Variants in PTPRG observed in about 807,000 individuals in gnomAD.
PTPRG encodes protein tyrosine phosphatase receptor type G.
In PTPRG, 102 loss-of-function variants were observed where a neutral mutation model predicts 165.3. The observed-to-expected ratio is 0.62, with a 90% CI of 0.53 to 0.73. The LOEUF (loss-of-function observed/expected upper bound fraction) is 0.73. Ranked by LOEUF, PTPRG falls within the 30% of genes least tolerant of loss-of-function variation. The pLI is 0.00. For missense variants in PTPRG, 1,866 were observed against 1,861.4 expected (o/e 1.00, Z -0.05); for synonymous variants, 675 against 669.5 (o/e 1.01, Z -0.13).
intron 4 of PTPRG, among the ~76,000 whole-genome samples, chr3:62,072,984 T>C (rs750812742): frequency 6.6e-6 from 1 of 152,010 alleles, no homozygotes; most frequent in Non-Finnish European, 1.5e-5. Flanking sequence ...AATAAAAAAA[T>C]AGGAGAACGT....
chr3:62,157,393 C>T (rs552057018), intron 7 of PTPRG, among the ~76,000 whole-genome samples, 169 bp downstream of exon 7: 6 of 152,276 alleles, frequency 3.9e-5, no homozygotes, highest in Non-Finnish European at 7.4e-5. Context: ...GAACTGCAAG[C>T]GATAGAATGT....
intron 6 of PTPRG, among the ~76,000 whole-genome samples, chr3:62,134,984 T>G (rs994840636): frequency 2.0e-5 from 3 of 152,158 alleles, no homozygotes; most frequent in Non-Finnish European, 4.4e-5. Flanking sequence ...AAAAAACTTT[T>G]GTTGGAGGCC....
At position 62,243,834 on chromosome 3, in the gene PTPRG, T is replaced by C. The variant is rs141754618; in HGVS notation, c.2403T>C (p.Tyr801=). The change falls in exon 15 of 30, where the codon TAT becomes TAC. Residue 801 remains tyrosine (Y), a synonymous_variant. Coordinates refer to ENST00000474889, the MANE Select transcript of PTPRG (RefSeq NM_002841.4). ...AATGTTTTCAGACTGCTCATTTCTA[T>C]GTGGAAGACAGCAGTTCACCTCGAG... The part of the protein sequence containing the change: ...SRKCFQTAHF[Y]VEDSSSPRVV... 8.8e-6 allele frequency: 14 copies of C among 1,594,974 alleles called. No individual in the cohort carries two copies. Among genetic ancestry groups the C allele is most frequent in the Non-Finnish European group, 1.1e-5 (13 of 1,163,316 alleles).
chr3:61,817,154 T>TAA (rs1349655664), intron 2 of PTPRG, among the ~76,000 whole-genome samples: 1 of 117,168 alleles, frequency 8.5e-6, no homozygotes, highest in Non-Finnish European at 1.7e-5. Context: ...TACATATATA[T>TAA]AATATATAAT....
intron 2 of PTPRG, among the ~76,000 whole-genome samples, chr3:61,768,472 T>G (rs1331954027): frequency 6.6e-6 from 1 of 152,164 alleles, no homozygotes; most frequent in Non-Finnish European, 1.5e-5. Context: ...ACTGAGTCTG[T>G]GTAGGAAGTC....
At chr3:61,566,200 A>G (rs921158834) in intron 1 of PTPRG, among the ~76,000 whole-genome samples, 1 of 152,238 alleles carries the variant, frequency 6.6e-6, no homozygotes, top group African/African-American at 2.4e-5. Context: ...AAAAGTGACT[A>G]TTCCATAGTG....
intron 8 of PTPRG, among the ~76,000 whole-genome samples, chr3:62,178,805 C>G (rs1705536451): frequency 6.6e-6 from 1 of 152,236 alleles, no homozygotes; most frequent in African/African-American, 2.4e-5. Context: ...AGCAACCCTA[C>G]TCTGGCTTTC....
At chr3:61,794,324 A>G (rs1410716729) in intron 2 of PTPRG, among the ~76,000 whole-genome samples, 2 of 152,156 alleles carry the variant, frequency 1.3e-5, no homozygotes, top group Non-Finnish European at 2.9e-5. Context: ...TTCTATTGCC[A>G]TCTGTTCATT....
At chr3:62,010,483 G>A (rs1434141754) in intron 4 of PTPRG, among the ~76,000 whole-genome samples, 1 of 151,660 alleles carries the variant, frequency 6.6e-6, no homozygotes. Flanking sequence ...TTAAGAAATG[G>A]GGTCCTGTTC....
chr3:62,138,733 A>AAG (rs1553640816), intron 6 of PTPRG, among the ~76,000 whole-genome samples: 12 of 151,410 alleles, frequency 7.9e-5, no homozygotes, highest in African/African-American at 2.9e-4. Context: ...AAAAAAAAAA[A>AAG]AAAGAAAGAC....
chr3:62,171,687 T>C (rs1705221607), intron 8 of PTPRG, among the ~76,000 whole-genome samples: 1 of 152,192 alleles, frequency 6.6e-6, no homozygotes, highest in African/African-American at 2.4e-5. Flanking sequence ...TTTTTTTTAT[T>C]GCTGAATAGT....
At chr3:62,204,358 C>T (rs1446551925) in intron 12 of PTPRG, among the ~76,000 whole-genome samples, 1 of 152,106 alleles carries the variant, frequency 6.6e-6, no homozygotes, top group Non-Finnish European at 1.5e-5. Flanking sequence ...CCAGGGGATC[C>T]TAGTCCCTGC....
At chr3:61,570,876 C>G (rs1251978806) in intron 1 of PTPRG, among the ~76,000 whole-genome samples, 1 of 152,150 alleles carries the variant, frequency 6.6e-6, no homozygotes, top group Non-Finnish European at 1.5e-5. Flanking sequence ...AGTGTGGAGG[C>G]TTAGCTCTGT....
chr3:61,680,044 C>G (rs569408854), intron 1 of PTPRG, among the ~76,000 whole-genome samples: 1 of 152,182 alleles, frequency 6.6e-6, no homozygotes, highest in African/African-American at 2.4e-5. Flanking sequence ...CCTATTCTCT[C>G]AATCCCAAAG....
chr3:61,858,350 A>C (rs1435556130), intron 2 of PTPRG, among the ~76,000 whole-genome samples: 1 of 152,190 alleles, frequency 6.6e-6, no homozygotes, highest in Non-Finnish European at 1.5e-5. Flanking sequence ...AGTATTCCCA[A>C]CTTCTTCATT....
intron 2 of PTPRG, among the ~76,000 whole-genome samples, chr3:61,956,153 A>G (rs766634473): frequency 4.0e-5 from 6 of 151,872 alleles, no homozygotes; most frequent in Non-Finnish European, 7.4e-5. Flanking sequence ...TTTATCTCCA[A>G]CAGATATGTG....
rs1488887701 is a variant in PTPRG, at chr3:62,166,616, A to G, written c.841-1355A>G. On this transcript the variant is annotated intron_variant, in intron 7 of 29. Transcript: ENST00000474889. ...CTCCCAAAGCGGTGGGATTTCAGGC[A>G]TGAGCCACCGGGCCTGGCCAGAATT... is the stretch of plus-strand genomic sequence containing the variant. Among the ~76,000 whole-genome samples the G allele has an allele frequency of 2.0e-5, 3 of 152,100 alleles. No individual in the cohort carries two copies. The East Asian group carries it at 5.9e-4, about 30-fold the overall frequency.
At chr3:61,767,293 A>AT (rs1390662339) in intron 2 of PTPRG, among the ~76,000 whole-genome samples, 5 of 141,852 alleles carry the variant, frequency 3.5e-5, no homozygotes, top group African/African-American at 1.0e-4. Context: ...TTTTTAACTA[A>AT]TTTTTTATGT....
At chr3:61,630,572 A>T (rs1701746512) in intron 1 of PTPRG, among the ~76,000 whole-genome samples, 1 of 152,090 alleles carries the variant, frequency 6.6e-6, no homozygotes, top group Admixed American at 6.6e-5. Flanking sequence ...TCTTCAGGGG[A>T]TCTTTTTAAG....
Sources: gnomAD v4.1 joint callset for allele counts (sites outside exome capture counted in the v4.1 genomes callset) on GRCh38, gnomAD v4.1.1 for gene constraint, MANE v1.5 for transcripts, NCBI Gene and HGNC (gene_info 2026-07-23, HGNC 2026-07-21) for gene names.